The following STEAP1B variants were observed in gnomAD, a reference collection of about 807,000 sequenced individuals.
STEAP1B encodes the protein STEAP family protein MGC87042.
STEAP1B carries 13 observed loss-of-function variants against 27.9 expected under a neutral mutation model. The observed-to-expected ratio is 0.47, with a 90% CI of 0.30 to 0.74. The LOEUF is 0.74. Among genes scored for constraint, STEAP1B ranks in the 30% least tolerant of loss-of-function variants. The probability of loss-of-function intolerance (pLI) is 0.06; values close to 1 mark genes in which losing one functional copy is unlikely to be tolerated. For missense variants in STEAP1B, 250 were observed against 298.7 expected, an observed-to-expected ratio of 0.84 and a Z score of 1.20; for synonymous variants, 86 against 107.1, an observed-to-expected ratio of 0.80 and a Z score of 1.22.
intron 1 of STEAP1B, among the ~76,000 whole-genome samples, chr7:22,496,198 T>C (rs1218963044): frequency 6.6e-6 from 1 of 151,870 alleles, no homozygotes; most frequent in Non-Finnish European, 1.5e-5. Context: ...GAAAAAAAAT[T>C]AGAAATAGAA....
intron 4 of STEAP1B, among the ~76,000 whole-genome samples, chr7:22,461,955 G>C (rs1033569690): frequency 6.6e-6 from 1 of 152,168 alleles, no homozygotes; most frequent in Non-Finnish European, 1.5e-5. Context: ...TACTTGAAAC[G>C]TACCAGCCAC....
chr7:22,497,002 A>G (rs1178873357), intron 1 of STEAP1B, among the ~76,000 whole-genome samples: 1 of 152,226 alleles, frequency 6.6e-6, no homozygotes, highest in Non-Finnish European at 1.5e-5. Context: ...TAGTTTGCCC[A>G]CATTCTTTTC....
At chr7:22,456,952 C>CCATATATATATATATATATA (rs1478025290) in intron 4 of STEAP1B, among the ~76,000 whole-genome samples, 14 of 73,274 alleles carry the variant, frequency 1.9e-4, no homozygotes, top group East Asian at 1.6e-3. Context: ...GGATAGGCAG[C>CCATATATATATATATATATA]TATATATATA....
chr7:22,435,265 G>A (rs1352064414), intron 4 of STEAP1B, among the ~76,000 whole-genome samples: 1 of 151,954 alleles, frequency 6.6e-6, no homozygotes, highest in Non-Finnish European at 1.5e-5. Context: ...AAGAAAACGA[G>A]CCTGTTAGAC....
intron 4 of STEAP1B, among the ~76,000 whole-genome samples, chr7:22,456,972 A>ATATATATATATATATTTTTTTTTTTT: frequency 5.3e-5 from 3 of 57,030 alleles, no homozygotes; most frequent in Non-Finnish European, 9.9e-5. Flanking sequence ...ATATATATAT[A>ATATATATATATATATTTTTTTTTTTT]TTTTTTTTTT....
chr7:22,482,621 GC>G (rs1418780926), intron 4 of STEAP1B, among the ~76,000 whole-genome samples: 5 of 152,164 alleles, frequency 3.3e-5, no homozygotes, highest in African/African-American at 7.2e-5. Flanking sequence ...TGGCCAATCT[GC>G]CCCCCAGGCA....
intron 1 of STEAP1B, among the ~76,000 whole-genome samples, chr7:22,496,232 T>C (rs1420919891): frequency 6.6e-6 from 1 of 152,118 alleles, no homozygotes; most frequent in African/African-American, 2.4e-5. Flanking sequence ...AGTAAGTATA[T>C]AAACAAAGAA....
At chr7:22,423,752 G>C (rs911827799) in intron 4 of STEAP1B, among the ~76,000 whole-genome samples, 4 of 152,208 alleles carry the variant, frequency 2.6e-5, no homozygotes, top group Admixed American at 6.5e-5. Flanking sequence ...AAATAGGCCA[G>C]GCACAGTGTT....
rs1236450432 is a variant in STEAP1B, at chr7:22,474,637, G to A, written c.762+17928C>T. ...CTAAAACTGTCATCGTATACAGGGTGCTGCTGTTGATGGGCTTCTGTCTTG... is the reference window on the plus strand; with the variant it reads ...CTAAAACTGTCATCGTATACAGGGTACTGCTGTTGATGGGCTTCTGTCTTG... On this transcript the variant is annotated intron_variant, in intron 4 of 4. Transcript: ENST00000678116. Among the ~76,000 whole-genome samples, 7 of 152,244 alleles carry A rather than the reference G, an allele frequency of 4.6e-5. No individual in the cohort carries two copies. The East Asian group carries it at 1.2e-3, about 25-fold the overall frequency.
intron 4 of STEAP1B, among the ~76,000 whole-genome samples, chr7:22,430,539 C>T (rs533142165): frequency 6.6e-6 from 1 of 152,332 alleles, no homozygotes; most frequent in South Asian, 2.1e-4. Flanking sequence ...TATTCAGATG[C>T]TTGCAGCAAA....
chr7:22,419,938 T>C, intron 4 of STEAP1B, 102 bp from the exon 5 acceptor site: 2 of 1,355,636 alleles, frequency 1.5e-6, no homozygotes, highest in Non-Finnish European at 9.9e-7. Context: ...AAATTGCAAG[T>C]ATACACGCTT....
intron 4 of STEAP1B, among the ~76,000 whole-genome samples, chr7:22,482,313 G>A (rs548987820): frequency 1.3e-5 from 2 of 152,238 alleles, no homozygotes; most frequent in South Asian, 2.1e-4. Context: ...TAAAATAGAG[G>A]ATGCCCTATT....
At chr7:22,472,550 C>T (rs1042860006) in intron 4 of STEAP1B, among the ~76,000 whole-genome samples, 1 of 152,216 alleles carries the variant, frequency 6.6e-6, no homozygotes, top group African/African-American at 2.4e-5. Flanking sequence ...GGCAAGTTGA[C>T]AAGAGTAATT....
intron 4 of STEAP1B, among the ~76,000 whole-genome samples, chr7:22,450,559 G>A (rs746050629): frequency 3.3e-5 from 5 of 149,434 alleles, no homozygotes; most frequent in Non-Finnish European, 5.9e-5. Flanking sequence ...CAAGTACCAT[G>A]CTCTTTTGGT....
At chr7:22,431,381 T>C (rs960951425) in intron 4 of STEAP1B, among the ~76,000 whole-genome samples, 1 of 152,228 alleles carries the variant, frequency 6.6e-6, no homozygotes, top group East Asian at 1.9e-4. Flanking sequence ...CTCTCAGAAG[T>C]GAAACATCTT....
chr7:22,491,583 A>C (rs1326701018), intron 4 of STEAP1B, among the ~76,000 whole-genome samples: 3 of 152,184 alleles, frequency 2.0e-5, no homozygotes, highest in Non-Finnish European at 4.4e-5. Flanking sequence ...AAGAAGAGAG[A>C]AAAAAGGTAT....
At chr7:22,465,104 G>A (rs1785754338) in intron 4 of STEAP1B, among the ~76,000 whole-genome samples, 1 of 151,406 alleles carries the variant, frequency 6.6e-6, no homozygotes, top group East Asian at 1.9e-4. Flanking sequence ...CACTGTGACA[G>A]TTCATTTGAT....
intron 4 of STEAP1B, among the ~76,000 whole-genome samples, chr7:22,460,516 T>G (rs918005572): frequency 6.6e-5 from 10 of 152,096 alleles, no homozygotes; most frequent in African/African-American, 2.4e-4. Flanking sequence ...CAGGGCACTC[T>G]CCAGTGTGCA....
chr7:22,460,367 T>A (rs1006758930), intron 4 of STEAP1B, among the ~76,000 whole-genome samples: 2 of 150,602 alleles, frequency 1.3e-5, no homozygotes, highest in Non-Finnish European at 3.0e-5. Flanking sequence ...GAAGGAAGTC[T>A]TTATATGGTT....
Sources: gnomAD v4.1 joint callset for allele counts (sites outside exome capture counted in the v4.1 genomes callset) on GRCh38, gnomAD v4.1.1 for gene constraint, MANE v1.5 for transcripts, NCBI Gene and HGNC (gene_info 2026-07-23, HGNC 2026-07-21) for gene names.